ZRANB3: variants seen among roughly 807,000 people sequenced by gnomAD.
ZRANB3 encodes the protein DNA annealing helicase and endonuclease ZRANB3.
Under a neutral mutation model 133.8 loss-of-function variants are expected in ZRANB3, and 125 were observed. The observed-to-expected ratio is 0.93, with a 90% CI of 0.81 to 1.08. ZRANB3 has a LOEUF of 1.08. Ranked by LOEUF, ZRANB3 falls within the 50% of genes least tolerant of loss-of-function variation. ZRANB3 has a pLI of 0.00. For missense variants in ZRANB3, 1,229 were observed against 1,275.5 expected (o/e 0.96, Z 0.56); for synonymous variants, 387 against 432.7 (o/e 0.89, Z 1.31).
intron 12 of ZRANB3, among the ~76,000 whole-genome samples, chr2:135,245,177 T>G (rs1294528715): frequency 6.6e-6 from 1 of 152,128 alleles, no homozygotes; most frequent in Non-Finnish European, 1.5e-5. Flanking sequence ...ACCTTACAAG[T>G]TAGGGTCCTG....
Position 135,477,687 on chromosome 2 carries a change from T to C in ZRANB3, c.161+26642A>G, listed in dbSNP as rs146032761. Reference sequence around the variant, plus strand: ...TCTATTTTTTGCTTGAACTGACTAATGAAGTAGCATAAGAAAATACAGTAG... The same window carrying C: ...TCTATTTTTTGCTTGAACTGACTAACGAAGTAGCATAAGAAAATACAGTAG... On this transcript the variant is annotated intron_variant, in intron 2 of 20. Coordinates refer to ENST00000264159, the MANE Select transcript of ZRANB3 (RefSeq NM_032143.4). 3.5e-4 allele frequency among the ~76,000 whole-genome samples: 54 copies of C among 152,250 alleles called. 1 individual carries two copies. In the Middle Eastern group the frequency reaches 0.01, roughly 29 times the overall value.
At chr2:135,493,702 T>C (rs1692522484) in intron 2 of ZRANB3, among the ~76,000 whole-genome samples, 1 of 152,148 alleles carries the variant, frequency 6.6e-6, no homozygotes, top group African/African-American at 2.4e-5. Context: ...TCTAGAACTC[T>C]CATATATTGT....
At chr2:135,402,295 CTTT>C (rs374450905) in intron 2 of ZRANB3, among the ~76,000 whole-genome samples, 9 of 133,844 alleles carry the variant, frequency 6.7e-5, no homozygotes, top group African/African-American at 9.0e-5. Flanking sequence ...TTCTTTCTCT[CTTT>C]TTTTTTTTTT....
At chr2:135,364,803 C>T (rs566579119) in intron 3 of ZRANB3, among the ~76,000 whole-genome samples, 36 of 152,138 alleles carry the variant, frequency 2.4e-4, no homozygotes, top group African/African-American at 8.7e-4. Context: ...GTAATCCCAT[C>T]ACTTTGGGAG....
At chr2:135,504,208 T>A (rs770587299) in intron 2 of ZRANB3, 121 bp downstream of exon 2, 1 of 1,180,842 alleles carries the variant, frequency 8.5e-7, no homozygotes, top group South Asian at 1.3e-5. Flanking sequence ...GCTAACTTGG[T>A]CACAATCAAT....
At chr2:135,382,579 G>T (rs1686763392) in intron 3 of ZRANB3, among the ~76,000 whole-genome samples, 2 of 152,156 alleles carry the variant, frequency 1.3e-5, no homozygotes, top group South Asian at 4.1e-4. Context: ...AATGTTAAGG[G>T]CAGCCAGAGA....
chr2:135,330,247 TAC>T (rs1684070317), intron 6 of ZRANB3, among the ~76,000 whole-genome samples: 1 of 152,072 alleles, frequency 6.6e-6, no homozygotes, highest in South Asian at 2.1e-4. Context: ...CTAGTTTAGT[TAC>T]AGTTTTTGGC....
At chr2:135,209,263 G>A (rs1376938706) in intron 17 of ZRANB3, among the ~76,000 whole-genome samples, 1 of 152,146 alleles carries the variant, frequency 6.6e-6, no homozygotes, top group Non-Finnish European at 1.5e-5. Flanking sequence ...AGGGGAAAAA[G>A]GAGTCGGTGT....
At chr2:135,210,005 G>A (rs7594946) in intron 17 of ZRANB3, among the ~76,000 whole-genome samples, 9,429 of 152,148 alleles carry the variant, frequency 0.062, 575 homozygotes, top group African/African-American at 0.16. Flanking sequence ...CATGTTTATG[G>A]TGATGAGAAA....
At chr2:135,291,837 C>T (rs771516159) in intron 8 of ZRANB3, among the ~76,000 whole-genome samples, 5 of 150,258 alleles carry the variant, frequency 3.3e-5, no homozygotes, top group South Asian at 2.1e-4. Context: ...TGAGTGAGAA[C>T]ATGCGGTGTT....
chr2:135,449,437 T>C (rs1232220423), intron 2 of ZRANB3, among the ~76,000 whole-genome samples: 1 of 152,220 alleles, frequency 6.6e-6, no homozygotes, highest in African/African-American at 2.4e-5. Context: ...CTGGCCAACA[T>C]GCGGAAACCC....
intron 6 of ZRANB3, among the ~76,000 whole-genome samples, chr2:135,327,842 G>A (rs984355215): frequency 6.6e-6 from 1 of 151,972 alleles, no homozygotes; most frequent in African/African-American, 2.4e-5. Flanking sequence ...TAATCATATA[G>A]CCAATAAAAA....
At chr2:135,275,414 G>T (rs1293812775) in intron 9 of ZRANB3, among the ~76,000 whole-genome samples, 1 of 151,324 alleles carries the variant, frequency 6.6e-6, no homozygotes, top group Non-Finnish European at 1.5e-5. Flanking sequence ...CAGATAATTT[G>T]GTCAGTGGAA....
chr2:135,405,050 T>C (rs554311024), intron 2 of ZRANB3, among the ~76,000 whole-genome samples: 22 of 152,178 alleles, frequency 1.4e-4, no homozygotes, highest in African/African-American at 5.1e-4. Flanking sequence ...TCAAGACCCA[T>C]CAGTGTGCTG....
intron 2 of ZRANB3, among the ~76,000 whole-genome samples, chr2:135,496,217 T>C (rs1692656473): frequency 6.6e-6 from 1 of 151,808 alleles, no homozygotes; most frequent in African/African-American, 2.4e-5. Context: ...ACTCCATCTC[T>C]ACTAAAAATA....
intron 12 of ZRANB3, among the ~76,000 whole-genome samples, chr2:135,238,019 C>G (rs181578677): frequency 2.6e-5 from 4 of 152,266 alleles, no homozygotes; most frequent in Admixed American, 2.6e-4. Flanking sequence ...ACCTTGTTTT[C>G]AAGAAATGTT....
At chr2:135,373,978 A>G (rs1686304040) in intron 3 of ZRANB3, among the ~76,000 whole-genome samples, 1 of 152,190 alleles carries the variant, frequency 6.6e-6, no homozygotes, top group African/African-American at 2.4e-5. Flanking sequence ...TAAACAAGAG[A>G]TAATTGAAGC....
chr2:135,266,375 T>A (rs965113912), intron 11 of ZRANB3, among the ~76,000 whole-genome samples: 1 of 152,238 alleles, frequency 6.6e-6, no homozygotes, highest in African/African-American at 2.4e-5. Flanking sequence ...AGCTGTCTTT[T>A]GTGGGAAAAA....
intron 5 of ZRANB3, among the ~76,000 whole-genome samples, chr2:135,347,294 CTTT>C (rs371254079): frequency 4.4e-5 from 6 of 137,340 alleles, no homozygotes; most frequent in African/African-American, 5.4e-5. Context: ...TTTCAGTTCT[CTTT>C]TTTTTTTTTT....
Sources: gnomAD v4.1 joint callset for allele counts (sites outside exome capture counted in the v4.1 genomes callset) on GRCh38, gnomAD v4.1.1 for gene constraint, MANE v1.5 for transcripts, NCBI Gene and HGNC (gene_info 2026-07-23, HGNC 2026-07-21) for gene names.